The following MAGI1 variants were observed in gnomAD, a reference collection of about 807,000 sequenced individuals.
MAGI1 encodes the protein membrane associated guanylate kinase, WW and PDZ domain containing 1.
In MAGI1, 58 loss-of-function variants were observed where a neutral mutation model predicts 139.9. The ratio of observed to expected loss-of-function variants is 0.41; its 90% CI spans 0.34 to 0.52. The LOEUF (loss-of-function observed/expected upper bound fraction) is 0.52, where lower values mean the gene tolerates loss of function less well. MAGI1 is among the 20% of genes least tolerant of loss of function. The probability of loss-of-function intolerance (pLI) is 0.12; values close to 1 mark genes in which losing one functional copy is unlikely to be tolerated. For missense variants in MAGI1, 1,874 were observed against 1,901.6 expected, an observed-to-expected ratio of 0.99 and a Z score of 0.27; for synonymous variants, 812 against 737.9, an observed-to-expected ratio of 1.10 and a Z score of -1.63.
chr3:65,761,540 T>G (rs1448134487), intron 1 of MAGI1, among the ~76,000 whole-genome samples: 1 of 152,138 alleles, frequency 6.6e-6, no homozygotes. Flanking sequence ...CTCCAAACGC[T>G]TTTATGTCTG....
At chr3:65,667,986 T>A (rs1457346499) in intron 1 of MAGI1, among the ~76,000 whole-genome samples, 1 of 152,216 alleles carries the variant, frequency 6.6e-6, no homozygotes, top group Admixed American at 6.5e-5. Context: ...AATGTTTCTG[T>A]TAATTTAATG....
chr3:65,870,014 T>C (rs898603036), intron 1 of MAGI1, among the ~76,000 whole-genome samples: 5 of 152,202 alleles, frequency 3.3e-5, no homozygotes, highest in African/African-American at 1.2e-4. Context: ...AGGCCATTGA[T>C]TACTACCCTC....
At chr3:65,903,956 C>G (rs530374185) in intron 1 of MAGI1, among the ~76,000 whole-genome samples, 1 of 151,564 alleles carries the variant, frequency 6.6e-6, no homozygotes, top group South Asian at 2.1e-4. Flanking sequence ...TGCAGTGAGC[C>G]GAGATCGTGC....
chr3:65,676,789 C>G (rs780263833), intron 1 of MAGI1, among the ~76,000 whole-genome samples: 1 of 152,204 alleles, frequency 6.6e-6, no homozygotes, highest in Non-Finnish European at 1.5e-5. Flanking sequence ...GATGGTTACA[C>G]CATCCTTTGA....
intron 1 of MAGI1, among the ~76,000 whole-genome samples, chr3:65,665,571 T>C (rs1045515881): frequency 1.3e-5 from 2 of 152,242 alleles, no homozygotes; most frequent in Non-Finnish European, 2.9e-5. Flanking sequence ...TACAATTATG[T>C]ATTGATCAGT....
At chr3:65,687,363 G>A (rs964113266) in intron 1 of MAGI1, 1 of 277,172 alleles carries the variant, frequency 3.6e-6, no homozygotes, top group Non-Finnish European at 7.6e-6. Context: ...GGCTCAGGAG[G>A]AGAGTTCAGG....
chr3:65,934,247 T>A (rs553204857), intron 1 of MAGI1, among the ~76,000 whole-genome samples: 29 of 147,536 alleles, frequency 2.0e-4, no homozygotes, highest in East Asian at 1.5e-3. Flanking sequence ...CTTTTTTTTT[T>A]AATATATTTT....
At chr3:65,620,898 T>C (rs1206883609) in intron 2 of MAGI1, among the ~76,000 whole-genome samples, 2 of 152,196 alleles carry the variant, frequency 1.3e-5, no homozygotes, top group African/African-American at 4.8e-5. Flanking sequence ...TCTAGAACTA[T>C]AGTCTAAGTC....
At chr3:65,610,987 G>C (rs1202937138) in intron 2 of MAGI1, among the ~76,000 whole-genome samples, 7 of 127,712 alleles carry the variant, frequency 5.5e-5, no homozygotes, top group Middle Eastern at 8.5e-3. Flanking sequence ...ATAGTAGATA[G>C]TATATATACT....
At chr3:65,906,726 A>C (rs534327028) in intron 1 of MAGI1, among the ~76,000 whole-genome samples, 13 of 152,060 alleles carry the variant, frequency 8.5e-5, no homozygotes, top group Middle Eastern at 6.8e-3. Context: ...TCTCTACTAA[A>C]AATACAAAAA....
At chr3:65,710,496 C>G (rs555446448) in intron 1 of MAGI1, among the ~76,000 whole-genome samples, 3 of 151,812 alleles carry the variant, frequency 2.0e-5, no homozygotes, top group Non-Finnish European at 2.9e-5. Context: ...AGGCTGGTCT[C>G]GAACTCCTGA....
chr3:65,486,136 C>G (rs1275377931), intron 3 of MAGI1, among the ~76,000 whole-genome samples: 1 of 152,086 alleles, frequency 6.6e-6, no homozygotes. Context: ...CTCTGTGTCC[C>G]CAAAAATTAT....
chr3:66,003,288 G>C (rs1360625958), intron 1 of MAGI1, among the ~76,000 whole-genome samples: 1 of 152,062 alleles, frequency 6.6e-6, no homozygotes, highest in East Asian at 1.9e-4. Flanking sequence ...TGGAGACAAG[G>C]ACACACCACA....
chr3:65,523,965 G>A (rs771118119), intron 2 of MAGI1, among the ~76,000 whole-genome samples: 59 of 152,002 alleles, frequency 3.9e-4, no homozygotes, highest in Non-Finnish European at 7.2e-4. Flanking sequence ...ATGAAACACA[G>A]ACCTCAAGTT....
At chr3:65,939,162 A>C (rs1479616631) in intron 1 of MAGI1, among the ~76,000 whole-genome samples, 1 of 152,224 alleles carries the variant, frequency 6.6e-6, no homozygotes, top group East Asian at 1.9e-4. Context: ...TCAATGAAAT[A>C]AATTCTTTTG....
At chr3:65,415,105 ACCTACT>A (rs1428527854) in intron 12 of MAGI1, among the ~76,000 whole-genome samples, 11 of 151,730 alleles carry the variant, frequency 7.2e-5, no homozygotes, top group African/African-American at 2.2e-4. Context: ...TTCATGAAAA[ACCTACT>A]ACTCCATCCT....
At chr3:65,838,112 T>A (rs1014010857) in intron 1 of MAGI1, among the ~76,000 whole-genome samples, 1 of 152,032 alleles carries the variant, frequency 6.6e-6, no homozygotes, top group Non-Finnish European at 1.5e-5. Context: ...ACCACCCCAA[T>A]CAAGATACAC....
intron 12 of MAGI1, among the ~76,000 whole-genome samples, chr3:65,419,268 T>C (rs191126768): frequency 1.3e-4 from 11 of 84,414 alleles, no homozygotes; most frequent in East Asian, 6.7e-4. Flanking sequence ...GTGTTACAAA[T>C]TGTATTTCCC....
rs116172086 is a variant in MAGI1 at position 65,375,533 on chromosome 3, T to C, written c.3196+212A>G. 7.3e-3 allele frequency among the ~76,000 whole-genome samples: 1,109 copies of C among 152,232 alleles called. 14 individuals are homozygous for C. The highest frequency in any genetic ancestry group is 0.025 in the African/African-American group (1,045 of 41,530). On this transcript the variant is annotated intron_variant, in intron 18 of 22. Coordinates refer to ENST00000402939, the MANE Select transcript of MAGI1 (RefSeq NM_001033057.2). Reference sequence around the variant, plus strand: ...AACACAGGGTCACAGGGCTACAGGATTAATTACACAAGAGGGTGAGGTATG... The same window carrying C: ...AACACAGGGTCACAGGGCTACAGGACTAATTACACAAGAGGGTGAGGTATG...
Sources: allele counts gnomAD v4.1 joint callset (sites outside exome capture counted in the v4.1 genomes callset), GRCh38; gene constraint gnomAD v4.1.1; transcripts MANE v1.5; gene names NCBI Gene and HGNC (gene_info 2026-07-23, HGNC 2026-07-21).